Variants in SATB1 observed in about 807,000 individuals in gnomAD.
The protein encoded by SATB1 is DNA-binding protein SATB1.
A neutral mutation model predicts 86.9 loss-of-function variants in SATB1; 11 were observed. That is an observed-to-expected ratio of 0.13 (90% CI 0.08 to 0.21). The LOEUF (loss-of-function observed/expected upper bound fraction) is 0.21, where lower values mean the gene tolerates loss of function less well. SATB1 is among the 10% of genes least tolerant of loss of function. The pLI, the probability that SATB1 is intolerant of heterozygous loss-of-function variation, is 1.00. For synonymous variants in SATB1, 357 were observed against 357.2 expected (o/e 1.00, Z 0.01); for missense variants, 551 against 937.6 (o/e 0.59, Z 5.39).
intron 9 of SATB1, among the ~76,000 whole-genome samples, chr3:18,373,113 A>G (rs1307265995): frequency 6.6e-6 from 1 of 152,190 alleles, no homozygotes; most frequent in Non-Finnish European, 1.5e-5. Context: ...TGTCCTCTAC[A>G]CATTTAGATG....
Position 18,348,304 on chromosome 3 carries a change from C to T in SATB1, c.*866G>A, listed in dbSNP as rs1007365261. The stretch of plus-strand genomic sequence containing the variant: ...CTTATAGTATGAATTGCTTGGATAA[C>T]ATAGAGCACTTTTTATAGGCAACTG... On this transcript the variant is annotated 3_prime_UTR_variant, in exon 11 of 11. Transcript: ENST00000338745. 3.2e-4 allele frequency: 49 copies of T among 152,658 alleles called. No homozygotes were observed. Among genetic ancestry groups the T allele is most frequent in the Non-Finnish European group, 1.3e-4 (9 of 67,990 alleles). 9.5% of individuals were successfully genotyped at this position (152,658 alleles called of 1,614,324 possible).
In SATB1 at chr3:18,394,094, CTA is replaced by C. The variant is rs2125114794; in HGVS notation, c.1206+366_1206+367del. Among the ~76,000 whole-genome samples the C allele has an allele frequency of 6.6e-6, 1 of 152,270 alleles. No individual in the cohort carries two copies. Among genetic ancestry groups the C allele is most frequent in the African/African-American group, 2.4e-5 (1 of 41,558 alleles). ...CAACATAAATGGAAAAGACAATAGG[CTA>C]GAAGCCTGGAATCCTGCCAATAGCC... is the stretch of plus-strand genomic sequence containing the variant. On this transcript the variant is annotated intron_variant, in intron 7 of 10. Transcript: ENST00000338745. This position sits in a 1 kb window ranked among gnomAD's most constrained non-coding sequence, Gnocchi z 5.9.
chr3:18,345,505 C>T lies in SATB1; in HGVS notation c.*3665G>A, dbSNP rs865904054. ...TACTTTATATTTTATCAAAAATGTG[C>T]ATATTAATAGATTGTAGTTTAGCCT... On this transcript the variant is annotated 3_prime_UTR_variant, in exon 11 of 11. Transcript: ENST00000338745. 2.6e-5 allele frequency: 4 copies of T among 151,988 alleles called. No homozygotes were observed. The highest frequency in any genetic ancestry group is 5.9e-5 in the Non-Finnish European group (4 of 67,948). The allele number at this position is 151,988 out of a possible 1,614,324, so 9.4% of individuals were successfully genotyped here.
intron 3 of SATB1, 98 bp from the exon 4 acceptor site, chr3:18,416,231 A>G (rs532288892): frequency 5.8e-6 from 5 of 857,938 alleles, no homozygotes; most frequent in East Asian, 2.9e-5. Flanking sequence ...CCCTACCACA[A>G]GCAGTACCGT....
chr3:18,367,174 A>C (rs1695229524), intron 9 of SATB1, among the ~76,000 whole-genome samples: 1 of 152,198 alleles, frequency 6.6e-6, no homozygotes, highest in Non-Finnish European at 1.5e-5. Context: ...TTTTCCATGA[A>C]TGATGCAATT....
In SATB1 at chr3:18,352,224, T is replaced by C. The variant is rs1215818814; in HGVS notation, c.1576-29A>G. On this transcript the variant is annotated intron_variant, in intron 9 of 10. Coordinates refer to ENST00000338745, the MANE Select transcript of SATB1 (RefSeq NM_002971.6). The surrounding 1 kb of genome is among the most constrained non-coding windows in gnomAD (Gnocchi z 4.1). ...AGAGACAAGGGCATAATAGGTCAGT[T>C]TGTGCCTATGAGAGGGGCTGGCATT... 2 of 1,606,906 alleles carry C rather than the reference T, an allele frequency of 1.2e-6. No homozygotes were observed. The highest frequency in any genetic ancestry group is 1.7e-5 in the Admixed American group (1 of 59,958).
rs116265436 is a variant in SATB1, at chr3:18,357,654, T to C, written c.1576-5459A>G. On this transcript the variant is annotated intron_variant, in intron 9 of 10. Coordinates refer to ENST00000338745, the MANE Select transcript of SATB1 (RefSeq NM_002971.6). ...AGTTCTAATTGTCAGAGCTACCAAA[T>C]CCTTCACCTTTAGCATAAAGGTTTA... 4.0e-3 allele frequency among the ~76,000 whole-genome samples: 605 copies of C among 150,796 alleles called. 5 individuals are homozygous for C. Among genetic ancestry groups the C allele is most frequent in the African/African-American group, 0.014 (581 of 41,204 alleles).
intron 9 of SATB1, 63 bp downstream of exon 9, chr3:18,378,107 T>A: frequency 1.4e-6 from 2 of 1,407,962 alleles, no homozygotes; most frequent in Non-Finnish European, 1.9e-6. Context: ...TAGACACTCC[T>A]TTTAATGAAA....
At chr3:18,351,266 C>A (rs1252376553) in intron 10 of SATB1, 1 of 1,469,174 alleles carries the variant, frequency 6.8e-7, no homozygotes, top group African/African-American at 1.4e-5. Context: ...CTTTAGGTCA[C>A]CCCCTCTCTG....
At position 18,410,452 on chromosome 3, in the gene SATB1, A is replaced by T. The variant is rs555213634; in HGVS notation, c.639+4659T>A. ...GTAGCCATGGACGCTCACTCATGTC[A>T]ACATTCTGTGCCTCAGGTTCCTCAT... is the stretch of plus-strand genomic sequence containing the variant. On this transcript the variant is annotated intron_variant, in intron 5 of 10. Transcript: ENST00000338745. Among the ~76,000 whole-genome samples the T allele has an allele frequency of 7.9e-5, 12 of 152,130 alleles. No individual in the cohort carries two copies. The East Asian group carries it at 2.3e-3, about 30-fold the overall frequency.
chr3:18,358,692 C>T (rs1694770686), intron 9 of SATB1, among the ~76,000 whole-genome samples: 2 of 151,864 alleles, frequency 1.3e-5, no homozygotes, highest in African/African-American at 2.4e-5. Flanking sequence ...TATGTATCCC[C>T]CAATATGTTT....
chr3:18,372,963 C>A (rs1396386393), intron 9 of SATB1, among the ~76,000 whole-genome samples: 5 of 152,164 alleles, frequency 3.3e-5, no homozygotes, highest in African/African-American at 1.2e-4. Context: ...AAACTTAACA[C>A]CAGCAGACTG....
chr3:18,365,845 C>T (rs750317585), intron 9 of SATB1, among the ~76,000 whole-genome samples: 1 of 152,120 alleles, frequency 6.6e-6, no homozygotes, highest in Non-Finnish European at 1.5e-5. Context: ...AAAATCATTA[C>T]CCATTAGGCT....
At chr3:18,421,921 G>A (rs1377270335) in intron 1 of SATB1, among the ~76,000 whole-genome samples, 3 of 150,258 alleles carry the variant, frequency 2.0e-5, no homozygotes, top group African/African-American at 7.3e-5. Flanking sequence ...AATAACCTCA[G>A]CATGCAATGG....
At chr3:18,422,859 A>T (rs1366916951) in intron 1 of SATB1, among the ~76,000 whole-genome samples, 1 of 152,222 alleles carries the variant, frequency 6.6e-6, no homozygotes, top group Non-Finnish European at 1.5e-5. Flanking sequence ...GCTTAACAAC[A>T]CTAGAAACTG....
At chr3:18,350,347 A>G (rs1694288841) in intron 10 of SATB1, 1 of 152,364 alleles carries the variant, frequency 6.6e-6, no homozygotes, top group South Asian at 2.1e-4. Flanking sequence ...CCACCATACG[A>G]CAGCTAGCGA....
At chr3:18,378,853 T>A (rs1695899528) in intron 8 of SATB1, among the ~76,000 whole-genome samples, 1 of 152,198 alleles carries the variant, frequency 6.6e-6, no homozygotes, top group African/African-American at 2.4e-5. Context: ...TTTGCAGAAC[T>A]GCGTATTTAA....
At chr3:18,379,097 C>G (rs1479919342) in intron 8 of SATB1, among the ~76,000 whole-genome samples, 1 of 152,096 alleles carries the variant, frequency 6.6e-6, no homozygotes, top group African/African-American at 2.4e-5. Context: ...AGTGACTTTA[C>G]TAATATATTC....
chr3:18,355,028 A>C (rs1401802735), intron 9 of SATB1, among the ~76,000 whole-genome samples: 1 of 152,168 alleles, frequency 6.6e-6, no homozygotes, highest in African/African-American at 2.4e-5. Context: ...ATGAATTATA[A>C]GTCGAAGCAT....
Sources: allele counts gnomAD v4.1 joint callset (sites outside exome capture counted in the v4.1 genomes callset), GRCh38; gene constraint gnomAD v4.1.1; non-coding constraint Gnocchi (gnomAD v3.1); transcripts MANE v1.5; gene names NCBI Gene and HGNC (gene_info 2026-07-23, HGNC 2026-07-21).